NPFFR2: variants seen among roughly 807,000 people sequenced by gnomAD.
NPFFR2 encodes the protein G-protein coupled receptor 74.
A neutral mutation model predicts 13.1 loss-of-function variants in NPFFR2; 15 were observed. The ratio of observed to expected loss-of-function variants is 1.15; its 90% confidence interval spans 0.77 to 1.76. The LOEUF is 1.76. Among genes scored for constraint, NPFFR2 ranks in the 40% most tolerant of loss-of-function variants. The probability of loss-of-function intolerance (pLI) is 0.00; values close to 1 mark genes in which losing one functional copy is unlikely to be tolerated. For synonymous variants in NPFFR2, 190 were observed against 175.7 expected, an observed-to-expected ratio of 1.08 and a Z score of -0.65; for missense variants, 572 against 503.5, an observed-to-expected ratio of 1.14 and a Z score of -1.30.
intron 3 of NPFFR2, among the ~76,000 whole-genome samples, chr4:72,140,166 A>G (rs1428100098): frequency 2.0e-5 from 3 of 152,162 alleles, no homozygotes; most frequent in South Asian, 2.1e-4. Flanking sequence ...GGCTGAGATT[A>G]TGGGGTTTTC....
rs139274419 is a variant in NPFFR2 at position 72,123,564 on chromosome 4, C to G, written c.-7-5021C>G. Among the ~76,000 whole-genome samples the G allele has an allele frequency of 4.9e-3, 745 of 152,286 alleles. 2 individuals are homozygous for G. Among genetic ancestry groups the G allele is most frequent in the African/African-American group, 0.017 (711 of 41,558 alleles). On this transcript the variant is annotated intron_variant, in intron 1 of 3. Coordinates refer to ENST00000308744, the MANE Select transcript of NPFFR2 (RefSeq NM_004885.3). ...GGCAGCACATCAAAAAGTTTACCAC[C>G]ATGATCAAGTTGACTTCATCCTTGG...
chr4:72,123,841 T>G (rs1721962375), intron 1 of NPFFR2, among the ~76,000 whole-genome samples: 2 of 152,206 alleles, frequency 1.3e-5, no homozygotes, highest in Admixed American at 1.3e-4. Context: ...GCATTGCCTT[T>G]GAAAACTGGC....
chr4:72,086,505 A>G (rs947427047), intron 1 of NPFFR2, among the ~76,000 whole-genome samples: 3 of 144,468 alleles, frequency 2.1e-5, no homozygotes, highest in Admixed American at 2.0e-4. Flanking sequence ...ATTAGGTCTT[A>G]ATTAAGTAAG....
At chr4:72,033,562 C>G (rs1234003512) in intron 1 of NPFFR2, among the ~76,000 whole-genome samples, 1 of 152,128 alleles carries the variant, frequency 6.6e-6, no homozygotes. Flanking sequence ...TAAGATCTTT[C>G]TACTAGCCAT....
At chr4:72,077,584 T>A (rs1578440265) in intron 1 of NPFFR2, among the ~76,000 whole-genome samples, 1 of 152,260 alleles carries the variant, frequency 6.6e-6, no homozygotes, top group East Asian at 1.9e-4. Context: ...TAATTAGCAT[T>A]CCTAAAAGGT....
chr4:72,060,096 T>C (rs1437780881), intron 1 of NPFFR2, among the ~76,000 whole-genome samples: 2 of 152,112 alleles, frequency 1.3e-5, no homozygotes, highest in African/African-American at 4.8e-5. Flanking sequence ...GGTCTAAAAA[T>C]TGGGTGAGAG....
At chr4:72,038,901 C>CTCTCTTTT (rs1719113690) in intron 1 of NPFFR2, among the ~76,000 whole-genome samples, 1 of 86,918 alleles carries the variant, frequency 1.2e-5, no homozygotes, top group Non-Finnish European at 2.2e-5. Flanking sequence ...TTTAAATTTC[C>CTCTCTTTT]TTTCTTTTTT....
intron 1 of NPFFR2, among the ~76,000 whole-genome samples, chr4:72,081,039 C>T (rs548200231): frequency 2.0e-5 from 3 of 152,236 alleles, no homozygotes; most frequent in Non-Finnish European, 2.9e-5. Flanking sequence ...ATGTCACTGC[C>T]AACTCCTAGT....
chr4:72,045,320 G>A (rs1364707892), intron 1 of NPFFR2, among the ~76,000 whole-genome samples: 2 of 152,246 alleles, frequency 1.3e-5, no homozygotes, highest in African/African-American at 2.4e-5. Context: ...CATCATGGCT[G>A]TACTAATTTA....
chr4:72,100,346 T>G (rs913651161), intron 1 of NPFFR2, among the ~76,000 whole-genome samples: 3 of 152,154 alleles, frequency 2.0e-5, no homozygotes, highest in Non-Finnish European at 4.4e-5. Context: ...AATTTCTGTG[T>G]GAATATGTAT....
intron 1 of NPFFR2, among the ~76,000 whole-genome samples, chr4:72,082,621 T>C (rs1683466288): frequency 6.6e-6 from 1 of 152,206 alleles, no homozygotes; most frequent in African/African-American, 2.4e-5. Context: ...CTGATTAATA[T>C]ATCTATCACC....
intron 1 of NPFFR2, among the ~76,000 whole-genome samples, chr4:72,125,013 A>G (rs948386459): frequency 6.6e-5 from 10 of 152,202 alleles, no homozygotes; most frequent in African/African-American, 2.4e-4. Flanking sequence ...AAATTTTTGC[A>G]ATCTATCCAT....
At chr4:72,054,277 G>C (rs1030037189) in intron 1 of NPFFR2, among the ~76,000 whole-genome samples, 1 of 151,806 alleles carries the variant, frequency 6.6e-6, no homozygotes, top group Non-Finnish European at 1.5e-5. Context: ...GTTGGTGTAA[G>C]CACGGCCATG....
At chr4:72,066,975 C>T (rs1040463194) in intron 1 of NPFFR2, among the ~76,000 whole-genome samples, 1 of 152,110 alleles carries the variant, frequency 6.6e-6, no homozygotes, top group Non-Finnish European at 1.5e-5. Flanking sequence ...ACTGGGGGCT[C>T]TCTGCAGTGG....
intron 3 of NPFFR2, among the ~76,000 whole-genome samples, chr4:72,140,618 C>T (rs1042602423): frequency 5.3e-5 from 8 of 152,140 alleles, no homozygotes; most frequent in Admixed American, 1.3e-4. Context: ...CAGACTTGAT[C>T]ATGGTGGATA....
chr4:72,116,714 G>C (rs569164993), intron 1 of NPFFR2, among the ~76,000 whole-genome samples: 5 of 152,118 alleles, frequency 3.3e-5, no homozygotes, highest in African/African-American at 1.2e-4. Context: ...TAATTAATGG[G>C]CTTATTTCTT....
At chr4:72,102,990 A>G (rs1454951913) in intron 1 of NPFFR2, among the ~76,000 whole-genome samples, 2 of 152,254 alleles carry the variant, frequency 1.3e-5, no homozygotes, top group South Asian at 2.1e-4. Context: ...TCCCACCAAC[A>G]GCGTCAAAGT....
At chr4:72,117,086 C>A (rs373874151) in intron 1 of NPFFR2, among the ~76,000 whole-genome samples, 47 of 152,240 alleles carry the variant, frequency 3.1e-4, no homozygotes, top group African/African-American at 1.1e-3. Context: ...CCACCCTTTT[C>A]TTTTTCCTTC....
At chr4:72,097,803 C>A (rs1017443521) in intron 1 of NPFFR2, among the ~76,000 whole-genome samples, 26 of 152,120 alleles carry the variant, frequency 1.7e-4, no homozygotes, top group African/African-American at 6.3e-4. Context: ...CCCCAAAATA[C>A]ACAAGTGGGA....
Sources: gnomAD v4.1 joint callset for allele counts (sites outside exome capture counted in the v4.1 genomes callset) on GRCh38, gnomAD v4.1.1 for gene constraint, MANE v1.5 for transcripts, NCBI Gene and HGNC (gene_info 2026-07-23, HGNC 2026-07-21) for gene names.